The following GLT8D2 variants were observed in gnomAD, a reference collection of about 807,000 sequenced individuals.
GLT8D2 encodes glycosyltransferase 8 domain containing 2, also known as glycosyltransferase 8 domain-containing protein 2.
Under a neutral mutation model 44.5 loss-of-function variants are expected in GLT8D2, and 45 were observed. That is an observed-to-expected ratio of 1.01 (90% CI 0.80 to 1.30). GLT8D2 has a LOEUF of 1.30. Among genes scored for constraint, GLT8D2 ranks in the 50% most tolerant of loss-of-function variants. GLT8D2 has a pLI of 0.00. For missense variants in GLT8D2, 400 were observed against 430.4 expected, an observed-to-expected ratio of 0.93 and a Z score of 0.62; for synonymous variants, 156 against 157.2, an observed-to-expected ratio of 0.99 and a Z score of 0.06.
intron 7 of GLT8D2, 82 bp from the exon 8 acceptor site, chr12:103,996,929 T>C (rs1873509069): frequency 1.2e-6 from 1 of 858,834 alleles, no homozygotes. Flanking sequence ...AAACAGCTCT[T>C]GATTTTGCTA....
At chr12:104,002,735 G>A (rs895324879) in intron 5 of GLT8D2, among the ~76,000 whole-genome samples, 2 of 152,072 alleles carry the variant, frequency 1.3e-5, no homozygotes, top group African/African-American at 4.8e-5. Context: ...CTTGAACCCA[G>A]GATTTCAAGA....
intron 1 of GLT8D2, among the ~76,000 whole-genome samples, chr12:104,062,689 G>C (rs1199919866): frequency 6.6e-6 from 1 of 151,684 alleles, no homozygotes; most frequent in African/African-American, 2.4e-5. Context: ...TGACCGAGCT[G>C]GTCTCAAACT....
At chr12:104,017,203 A>T (rs2136358791) in intron 3 of GLT8D2, among the ~76,000 whole-genome samples, 1 of 152,202 alleles carries the variant, frequency 6.6e-6, no homozygotes, top group African/African-American at 2.4e-5. Context: ...TCCTAATTGT[A>T]TATGTGTTTA....
At position 104,047,437 on chromosome 12, in the gene GLT8D2, T is replaced by C. The variant is rs139694441; in HGVS notation, c.-164+2458A>G. ...CTCCTATCTCAGCCTTCCAAATAGC[T>C]GGGATTACAGGCATGCACCACCACG... is the stretch of plus-strand genomic sequence containing the variant. On this transcript the variant is annotated intron_variant, in intron 1 of 10. Coordinates refer to ENST00000360814, the MANE Select transcript of GLT8D2 (RefSeq NM_001384711.1). 5.3e-3 allele frequency among the ~76,000 whole-genome samples: 801 copies of C among 151,876 alleles called. 9 individuals are homozygous for C. Among genetic ancestry groups the C allele is most frequent in the African/African-American group, 0.018 (742 of 41,400 alleles).
chr12:104,042,643 T>C (rs1880680127), intron 1 of GLT8D2, among the ~76,000 whole-genome samples: 2 of 152,200 alleles, frequency 1.3e-5, no homozygotes, highest in African/African-American at 4.8e-5. Context: ...AAGGAAGTGA[T>C]GCTGGACAGC....
intron 1 of GLT8D2, among the ~76,000 whole-genome samples, chr12:104,026,256 G>T (rs1478766966): frequency 6.7e-6 from 1 of 148,238 alleles, no homozygotes; most frequent in Non-Finnish European, 1.5e-5. Flanking sequence ...TCCAGCTTGG[G>T]CGACAGAGCA....
At chr12:104,040,571 G>C (rs776974340) in intron 1 of GLT8D2, among the ~76,000 whole-genome samples, 1 of 152,002 alleles carries the variant, frequency 6.6e-6, no homozygotes, top group Non-Finnish European at 1.5e-5. Flanking sequence ...GATTACAGAC[G>C]CGTGCCACCA....
At chr12:104,039,629 T>TA (rs1880318027) in intron 1 of GLT8D2, among the ~76,000 whole-genome samples, 1 of 152,174 alleles carries the variant, frequency 6.6e-6, no homozygotes, top group South Asian at 2.1e-4. Context: ...TGGCGATCAT[T>TA]AAAAAGTCAG....
chr12:104,010,065 T>A (rs898391338), intron 4 of GLT8D2, among the ~76,000 whole-genome samples: 1 of 152,126 alleles, frequency 6.6e-6, no homozygotes, highest in Non-Finnish European at 1.5e-5. Flanking sequence ...TTGGACTAAG[T>A]TGTAATCTTA....
At chr12:104,057,889 G>A (rs1390590397) in intron 1 of GLT8D2, among the ~76,000 whole-genome samples, 1 of 152,048 alleles carries the variant, frequency 6.6e-6, no homozygotes, top group Non-Finnish European at 1.5e-5. Context: ...ACCCACGTTT[G>A]CCTCCATTCT....
chr12:104,034,962 A>G (rs936273183), intron 1 of GLT8D2, among the ~76,000 whole-genome samples: 8 of 152,194 alleles, frequency 5.3e-5, no homozygotes, highest in Admixed American at 5.2e-4. Context: ...TCAGGCAGCA[A>G]TATTTGCTGT....
chr12:104,015,766 C>T (rs988290878), intron 3 of GLT8D2, among the ~76,000 whole-genome samples: 1 of 152,048 alleles, frequency 6.6e-6, no homozygotes, highest in Non-Finnish European at 1.5e-5. Flanking sequence ...CTTTGGGAGG[C>T]TGAGGTGGGC....
chr12:104,012,660 T>C (rs1469411955), intron 4 of GLT8D2: 4 of 518,194 alleles, frequency 7.7e-6, no homozygotes, highest in Non-Finnish European at 1.0e-5. Context: ...GAACAGTTTA[T>C]TGAGGTGTAG....
Position 103,996,831 on chromosome 12 carries a change from C to A in GLT8D2, c.504G>T (p.Leu168=). ...DVIVQGDIQE[L]YDTTLALGHA... ...GGCCCAGGGCCAAGGTGGTGTCATA[C>A]AGTTCTTGGATATCACCTGAATTTA... is the stretch of plus-strand genomic sequence containing the variant. Residue 168 remains leucine (L), a synonymous_variant, in exon 8 of 11, where the codon CTG becomes CTT. Coordinates refer to ENST00000360814, the MANE Select transcript of GLT8D2 (RefSeq NM_001384711.1). 1 of 1,613,022 alleles carries A rather than the reference C, an allele frequency of 6.2e-7. No homozygotes were observed. The highest frequency in any genetic ancestry group is 8.5e-7 in the Non-Finnish European group (1 of 1,179,406).
chr12:103,997,563 TG>T (rs761896309), intron 6 of GLT8D2, 28 bp from the exon 7 acceptor site: 1 of 1,533,862 alleles, frequency 6.5e-7, no homozygotes, highest in Non-Finnish European at 9.0e-7. Context: ...GAAATGATGG[TG>T]GGGGAGAGGC....
In GLT8D2 at chr12:103,996,759, G is replaced by T; in HGVS notation, c.576C>A (p.Asp192Glu). The T allele has an allele frequency of 6.2e-7, 1 of 1,613,928 alleles. No individual in the cohort carries two copies. The highest frequency in any genetic ancestry group is 8.5e-7 in the Non-Finnish European group (1 of 1,179,826). ...CCTGAAGTCCCACGAGTCTGTTTATGTCCTGAGCAGAGGGCAAATCGCAGT... is the reference window on the plus strand; with the variant it reads ...CCTGAAGTCCCACGAGTCTGTTTATTTCCTGAGCAGAGGGCAAATCGCAGT... ...SDDCDLPSAQ[D>E]INRLVGLQNT... The change falls in exon 8 of 11, where the codon GAC (aspartate) becomes GAA (glutamate). Residue 192 changes from aspartate (D) to glutamate (E), a missense_variant. Transcript: ENST00000360814.
In GLT8D2 at chr12:103,999,516, T is replaced by C. The variant is rs1160392782; in HGVS notation, c.285-2A>G. On this transcript the variant is annotated splice_acceptor_variant, in intron 5 of 10. Coordinates refer to ENST00000360814, the MANE Select transcript of GLT8D2 (RefSeq NM_001384711.1). LOFTEE classifies it high-confidence loss of function. ...AGTTTGGAATGTTCAATCCATTTTCTAAAAAGATGACCAAAAAAACCTCTA... is the reference window on the plus strand; with the variant it reads ...AGTTTGGAATGTTCAATCCATTTTCCAAAAAGATGACCAAAAAAACCTCTA... 2.5e-5 allele frequency: 40 copies of C among 1,584,488 alleles called. No homozygotes were observed. Among genetic ancestry groups the C allele is most frequent in the Non-Finnish European group, 3.4e-5 (39 of 1,155,456 alleles).
chr12:104,042,572 G>A (rs1056303317), intron 1 of GLT8D2, among the ~76,000 whole-genome samples: 2 of 152,154 alleles, frequency 1.3e-5, no homozygotes, highest in Non-Finnish European at 2.9e-5. Context: ...TTAAGAGAGG[G>A]ATCAGAGTTA....
intron 1 of GLT8D2, among the ~76,000 whole-genome samples, chr12:104,048,989 A>G (rs544190635): frequency 6.6e-6 from 1 of 152,348 alleles, no homozygotes; most frequent in East Asian, 1.9e-4. Flanking sequence ...CCCAGAGCCT[A>G]TGTTCTTACC....
Sources: allele counts gnomAD v4.1 joint callset (sites outside exome capture counted in the v4.1 genomes callset), GRCh38; gene constraint gnomAD v4.1.1; transcripts MANE v1.5; gene names NCBI Gene and HGNC (gene_info 2026-07-23, HGNC 2026-07-21).